EVC2: variants seen among roughly 807,000 people sequenced by gnomAD.
The protein encoded by EVC2 is limbin.
EVC2 carries 148 observed loss-of-function variants against 149.3 expected under a neutral mutation model. The ratio of observed to expected loss-of-function variants is 0.99; its 90% CI spans 0.87 to 1.14. EVC2 has a LOEUF of 1.14. EVC2 is among the 50% of genes most tolerant of loss of function. The probability of loss-of-function intolerance (pLI) is 0.00; values close to 1 mark genes in which losing one functional copy is unlikely to be tolerated. For missense variants in EVC2, 1,854 were observed against 1,627.3 expected, an observed-to-expected ratio of 1.14 and a Z score of -2.40; for synonymous variants, 776 against 649.9, an observed-to-expected ratio of 1.19 and a Z score of -2.95.
intron 16 of EVC2, among the ~76,000 whole-genome samples, chr4:5,592,925 C>T (rs1375851486): frequency 6.6e-6 from 1 of 152,116 alleles, no homozygotes; most frequent in African/African-American, 2.4e-5. Context: ...ATAATCCCCA[C>T]CTGTCATAGG....
chr4:5,574,359 C>G (rs999262213), intron 19 of EVC2, among the ~76,000 whole-genome samples: 1 of 152,232 alleles, frequency 6.6e-6, no homozygotes, highest in Non-Finnish European at 1.5e-5. Flanking sequence ...TTTTCTCTTA[C>G]CCACTTTCTT....
rs774847750 is a variant in EVC2 at position 5,640,847 on chromosome 4, C to A, written c.1146-9G>T. 4 of 1,614,106 alleles carry A rather than the reference C, an allele frequency of 2.5e-6. No individual in the cohort carries two copies. Among genetic ancestry groups the A allele is most frequent in the Middle Eastern group, 1.6e-4 (1 of 6,062 alleles). On this transcript the variant is annotated splice_polypyrimidine_tract_variant and intron_variant, in intron 9 of 21. Transcript: ENST00000344408. The surrounding 1 kb of genome is among the most constrained non-coding windows in gnomAD (Gnocchi z 4.6). Reference sequence around the variant, plus strand: ...GGGTTGCAATCTCCAACCTAGGAAACACAAAAATCAAAAGAATTCCATTAC... The same window carrying A: ...GGGTTGCAATCTCCAACCTAGGAAAAACAAAAATCAAAAGAATTCCATTAC...
intron 3 of EVC2, among the ~76,000 whole-genome samples, chr4:5,692,039 G>A (rs942067670): frequency 1.3e-5 from 2 of 152,156 alleles, no homozygotes; most frequent in Admixed American, 6.5e-5. Context: ...CATCAAGGAA[G>A]CCCTCCTTGG....
chr4:5,663,576 A>C lies in EVC2; in HGVS notation c.1006-330T>G, dbSNP rs17687543. 0.15 allele frequency among the ~76,000 whole-genome samples: 22,357 copies of C among 152,236 alleles called. 1,719 individuals carry two copies. Among genetic ancestry groups the C allele is most frequent in the African/African-American group, 0.17 (6,860 of 41,530 alleles). Reference sequence around the variant, plus strand: ...TCATTATCAGGTAGAGGAAACCTCAAAACAGGTATGATGGACCTTGACATC... The same window carrying C: ...TCATTATCAGGTAGAGGAAACCTCACAACAGGTATGATGGACCTTGACATC... On this transcript the variant is annotated intron_variant, in intron 8 of 21. Transcript: ENST00000344408.
upstream of EVC2, chr4:5,708,816 C>T (rs925115172): frequency 6.7e-6 from 2 of 298,484 alleles, no homozygotes; most frequent in Non-Finnish European, 1.2e-5. Flanking sequence ...AGGGCCCCTC[C>T]GCTACCGCCT....
intron 16 of EVC2, among the ~76,000 whole-genome samples, chr4:5,600,285 A>G (rs1713869893): frequency 6.6e-6 from 1 of 152,174 alleles, no homozygotes; most frequent in Non-Finnish European, 1.5e-5. Context: ...TATTTTCACT[A>G]TTTCACATCA....
At chr4:5,704,440 T>C (rs1577278585) in intron 1 of EVC2, among the ~76,000 whole-genome samples, 1 of 152,162 alleles carries the variant, frequency 6.6e-6, no homozygotes, top group East Asian at 1.9e-4. Context: ...TCTGCCTTGG[T>C]GCATGAGTTG....
intron 12 of EVC2, among the ~76,000 whole-genome samples, chr4:5,627,337 G>A (rs906711596): frequency 6.6e-6 from 1 of 152,202 alleles, no homozygotes; most frequent in African/African-American, 2.4e-5. Flanking sequence ...ACAACCAGCT[G>A]GTGGGCCCTT....
chr4:5,647,373 A>G (rs923751506), intron 9 of EVC2, among the ~76,000 whole-genome samples: 1 of 152,206 alleles, frequency 6.6e-6, no homozygotes, highest in Non-Finnish European at 1.5e-5. Flanking sequence ...TGCGGTCTTT[A>G]TTCTTTTTGA....
intron 9 of EVC2, among the ~76,000 whole-genome samples, chr4:5,646,169 G>T (rs936143260): frequency 4.6e-5 from 7 of 152,124 alleles, no homozygotes. Flanking sequence ...GACCTCAAGT[G>T]ATCCACCTCC....
intron 7 of EVC2, among the ~76,000 whole-genome samples, chr4:5,678,192 T>C (rs1009950341): frequency 6.6e-6 from 1 of 152,212 alleles, no homozygotes; most frequent in African/African-American, 2.4e-5. Flanking sequence ...ACAAACAGTG[T>C]GGCTTATGCT....
At chr4:5,553,865 C>A (rs1721784669) in intron 21 of EVC2, among the ~76,000 whole-genome samples, 1 of 152,088 alleles carries the variant, frequency 6.6e-6, no homozygotes, top group African/African-American at 2.4e-5. Flanking sequence ...GCAATGTATG[C>A]ATGCAATAAA....
chr4:5,592,625 G>A (rs187199420), intron 16 of EVC2, among the ~76,000 whole-genome samples: 106 of 152,302 alleles, frequency 7.0e-4, no homozygotes, highest in South Asian at 6.0e-3. Context: ...GCAGCTTCCC[G>A]ATAAGAACTC....
intron 11 of EVC2, among the ~76,000 whole-genome samples, chr4:5,629,470 C>G (rs6847485): frequency 0.32 from 48,541 of 152,064 alleles, 8,169 homozygotes; most frequent in East Asian, 0.61. Flanking sequence ...CCCACTTTAA[C>G]CAGAGGCATA....
the EVC2 span, among the ~76,000 whole-genome samples, chr4:5,536,717 G>C: frequency 5.9e-5 from 9 of 151,928 alleles, no homozygotes; most frequent in Admixed American, 2.0e-4. Context: ...CCAGGAGGTG[G>C]AGCTTGCAAT....
chr4:5,596,136 CACTGTCA>C (rs1713389270), intron 16 of EVC2, among the ~76,000 whole-genome samples: 1 of 152,174 alleles, frequency 6.6e-6, no homozygotes, highest in South Asian at 2.1e-4. Context: ...TTTAACACCC[CACTGTCA>C]ACATTAGACA....
chr4:5,544,277 T>C (rs754762628), intron 21 of EVC2, among the ~76,000 whole-genome samples: 1 of 151,948 alleles, frequency 6.6e-6, no homozygotes, highest in Non-Finnish European at 1.5e-5. Flanking sequence ...GAAAATTCTG[T>C]TTTCACAACC....
Position 5,589,418 on chromosome 4 carries a change from C to T in EVC2, c.2830-4568G>A, listed in dbSNP as rs78756211. 3.8e-3 allele frequency among the ~76,000 whole-genome samples: 574 copies of T among 152,232 alleles called. 3 individuals are homozygous for T. Among genetic ancestry groups the T allele is most frequent in the African/African-American group, 0.013 (542 of 41,538 alleles). ...GCAATTTTCTTCCATGGAAGTGCTG[C>T]GCAGGTCTCAGCAGAATACTCAAGA... On this transcript the variant is annotated intron_variant, in intron 16 of 21. Transcript: ENST00000344408.
In EVC2 at chr4:5,689,227, G is replaced by A. The variant is rs768639624; in HGVS notation, c.636C>T (p.Leu212=). Residue 212 remains leucine, a synonymous_variant, in exon 5 of 22, where the codon CTC becomes CTT. Coordinates refer to ENST00000344408, the MANE Select transcript of EVC2 (RefSeq NM_147127.5). ...TGTTTCCCACAGAGTCCCAAATGGT[G>A]AGACCAGCAATGCTGTCCAGCAAGA... ...ELLLLDSIAG[L]TIWDSVGNRT... The A allele has an allele frequency of 2.5e-6, 4 of 1,614,110 alleles. No individual in the cohort carries two copies. The highest frequency in any genetic ancestry group is 3.4e-6 in the Non-Finnish European group (4 of 1,180,048).
Sources: gnomAD v4.1 joint callset for allele counts (sites outside exome capture counted in the v4.1 genomes callset) on GRCh38, gnomAD v4.1.1 for gene constraint, Gnocchi (gnomAD v3.1) non-coding constraint, MANE v1.5 for transcripts, NCBI Gene and HGNC (gene_info 2026-07-23, HGNC 2026-07-21) for gene names.